DDX60: variants seen among roughly 807,000 people sequenced by gnomAD.
DDX60 encodes the protein probable ATP-dependent RNA helicase DDX60.
DDX60 carries 165 observed loss-of-function variants against 212.8 expected under a neutral mutation model. The ratio of observed to expected loss-of-function variants is 0.78; its 90% CI spans 0.68 to 0.88. The LOEUF (loss-of-function observed/expected upper bound fraction) is 0.88, where lower values mean the gene tolerates loss of function less well. DDX60 is among the 40% of genes least tolerant of loss of function. DDX60 has a pLI of 0.00. For synonymous variants in DDX60, 703 were observed against 685.3 expected, an observed-to-expected ratio of 1.03 and a Z score of -0.40; for missense variants, 1,905 against 2,003.9, an observed-to-expected ratio of 0.95 and a Z score of 0.94.
At chr4:168,229,501 G>A (rs2149493030) in intron 33 of DDX60, among the ~76,000 whole-genome samples, 1 of 152,080 alleles carries the variant, frequency 6.6e-6, no homozygotes, top group African/African-American at 2.4e-5. Context: ...TTCCTGGACA[G>A]AACCTGGGGC....
chr4:168,276,014 C>T lies in DDX60; in HGVS notation c.2145+1G>A. The T allele has an allele frequency of 6.2e-7, 1 of 1,607,420 alleles. No homozygotes were observed. Among genetic ancestry groups the T allele is most frequent in the Non-Finnish European group, 8.5e-7 (1 of 1,175,976 alleles). ...AAATTGAGCTATTCTGATAATATTA[C>T]CTGGGCTGGATGTAAAGAACTTGCC... On this transcript the variant is annotated splice_donor_variant, in intron 15 of 37. Transcript: ENST00000393743. LOFTEE classifies it high-confidence loss of function.
Position 168,314,183 on chromosome 4 carries a change from A to G in DDX60, c.-106-2818T>C, listed in dbSNP as rs536474190. 2.6e-5 allele frequency among the ~76,000 whole-genome samples: 4 copies of G among 152,154 alleles called. No homozygotes were observed. The East Asian group carries it at 7.7e-4, about 29-fold the overall frequency. ...CTCTTATATACCCTATACTAGAGCT[A>G]CCCTATTAACCTCTGCCCCAACACA... On this transcript the variant is annotated intron_variant, in intron 1 of 37. Transcript: ENST00000393743.
Position 168,221,873 on chromosome 4 carries a change from T to G in DDX60, c.4833A>C (p.Leu1611=), listed in dbSNP as rs375132905. The change falls in exon 36 of 38, where the codon CTA becomes CTC. Residue 1611 remains leucine, a synonymous_variant. Transcript: ENST00000393743. ...GAGAGCGATTGACACCGATTGTGCCTAGAGTAACCTGAAAAAATACGATTA... is the reference window on the plus strand; with the variant it reads ...GAGAGCGATTGACACCGATTGTGCCGAGAGTAACCTGAAAAAATACGATTA... The part of the protein sequence containing the change: ...LRLETPNHVT[L]GTIGVNRSQA... 4.3e-6 allele frequency: 7 copies of G among 1,610,116 alleles called. No individual in the cohort carries two copies. In the African/African-American group the frequency reaches 9.4e-5, roughly 22 times the overall value.
chr4:168,286,051 AAAAG>A lies in DDX60; in HGVS notation c.1340-557_1340-554del, dbSNP rs769814135. 8.5e-4 allele frequency among the ~76,000 whole-genome samples: 128 copies of A among 150,118 alleles called. 1 individual carries two copies. Among genetic ancestry groups the A allele is most frequent in the Admixed American group, 2.5e-3 (38 of 15,044 alleles). Reference sequence around the variant, plus strand: ...GGAGGAAGGAAGGAAAGAAAAAAGAAAAAGAAAGAAAGAAAGAAAAGCAAGCAAG... The same window carrying A: ...GGAGGAAGGAAGGAAAGAAAAAAGAAAAAGAAAGAAAGAAAAGCAAGCAAG... On this transcript the variant is annotated intron_variant, in intron 10 of 37. Coordinates refer to ENST00000393743, the MANE Select transcript of DDX60 (RefSeq NM_017631.6).
chr4:168,297,378 GAAAGAGAAAGAA>G (rs1736441150), intron 6 of DDX60, among the ~76,000 whole-genome samples: 3 of 53,870 alleles, frequency 5.6e-5, no homozygotes, highest in Non-Finnish European at 1.0e-4. Context: ...AAGAAAGAAA[GAAAGAGAAAGAA>G]AGAAAGAAAG....
chr4:168,306,685 A>G lies in DDX60; in HGVS notation c.300T>C (p.Leu100=), dbSNP rs768210909. The G allele has an allele frequency of 1.9e-6, 3 of 1,613,492 alleles. No homozygotes were observed. The East Asian group carries it at 6.7e-5, about 36-fold the overall frequency. The change falls in exon 5 of 38, where the codon CTT becomes CTC. Residue 100 remains leucine (L), a synonymous_variant. Coordinates refer to ENST00000393743, the MANE Select transcript of DDX60 (RefSeq NM_017631.6). The part of the protein sequence containing the change: ...AEYAYFNFPE[L]LSLRTALILH... The stretch of plus-strand genomic sequence containing the variant: ...GAATTAAAGCAGTTCTCAAAGAAAG[A>G]AGTTCAGGGAAGTTGAAATACGCAT...
At chr4:168,248,872 G>T (rs1734114092) in intron 28 of DDX60, among the ~76,000 whole-genome samples, 1 of 151,298 alleles carries the variant, frequency 6.6e-6, no homozygotes, top group African/African-American at 2.4e-5. Flanking sequence ...CGATTCTCCT[G>T]CCTCAACCTC....
At chr4:168,222,721 T>C (rs1310407120) in intron 35 of DDX60, among the ~76,000 whole-genome samples, 1 of 152,082 alleles carries the variant, frequency 6.6e-6, no homozygotes, top group Non-Finnish European at 1.5e-5. Context: ...GCTTGAAAAG[T>C]TTAATATTTG....
intron 3 of DDX60, among the ~76,000 whole-genome samples, chr4:168,310,282 T>C (rs1368134732): frequency 2.6e-5 from 4 of 152,128 alleles, no homozygotes; most frequent in African/African-American, 7.2e-5. Context: ...TTACACACAG[T>C]AATCTATGGA....
At chr4:168,312,505 A>C (rs556453859) in intron 1 of DDX60, among the ~76,000 whole-genome samples, 3 of 152,266 alleles carry the variant, frequency 2.0e-5, no homozygotes, top group Admixed American at 6.5e-5. Context: ...ACTAATACTT[A>C]ATATATCAAG....
At chr4:168,218,066 C>T (rs987847789) in intron 37 of DDX60, among the ~76,000 whole-genome samples, 2 of 152,196 alleles carry the variant, frequency 1.3e-5, no homozygotes, top group Admixed American at 1.3e-4. Flanking sequence ...GGGCTGAAAA[C>T]TGTCATGATC....
chr4:168,288,510 T>C (rs1735959257), intron 8 of DDX60, among the ~76,000 whole-genome samples, 195 bp from the exon 9 acceptor site: 1 of 152,122 alleles, frequency 6.6e-6, no homozygotes, highest in African/African-American at 2.4e-5. Context: ...TAAAAACTGA[T>C]CCAAAAATGC....
At position 168,296,268 on chromosome 4, in the gene DDX60, T is replaced by C. The variant is rs137941060; in HGVS notation, c.724-2323A>G. ...GTTGTACTTCATAAATATATAGTTA[T>C]GATGTGTCAATCAAAAATATTTTTT... On this transcript the variant is annotated intron_variant, in intron 6 of 37. Transcript: ENST00000393743. 1.6e-4 allele frequency among the ~76,000 whole-genome samples: 24 copies of C among 152,252 alleles called. 1 individual carries two copies. In the East Asian group the frequency reaches 4.1e-3, roughly 26 times the overall value.
intron 6 of DDX60, among the ~76,000 whole-genome samples, chr4:168,295,821 A>G (rs938849934): frequency 5.3e-5 from 8 of 152,228 alleles, no homozygotes; most frequent in Non-Finnish European, 5.9e-5. Context: ...AATACTATTG[A>G]GCATTTAAAA....
chr4:168,251,498 G>A (rs1309978548), intron 27 of DDX60, among the ~76,000 whole-genome samples: 10 of 152,192 alleles, frequency 6.6e-5, no homozygotes, highest in Admixed American at 6.5e-5. Context: ...TGTGGTCCGG[G>A]AATGCCTACT....
intron 30 of DDX60, among the ~76,000 whole-genome samples, chr4:168,245,955 A>C (rs955873720): frequency 2.0e-5 from 3 of 152,186 alleles, no homozygotes; most frequent in Admixed American, 6.5e-5. Context: ...GGAGTGGAAC[A>C]GGGGCACTTT....
chr4:168,306,610 T>C lies in DDX60; in HGVS notation c.375A>G (p.Arg125=), dbSNP rs775589621. 1.5e-5 allele frequency: 24 copies of C among 1,614,124 alleles called. No homozygotes were observed. The highest frequency in any genetic ancestry group is 2.0e-5 in the Non-Finnish European group (24 of 1,179,986). ...TTIDVRTTFS[R]CLSKEWGSFL... ...AACTTCCCCACTCTTTTGATAAGCA[T>C]CTCGAAAATGTTGTTCGAACATCAA... The change falls in exon 5 of 38, where the codon AGA becomes AGG. Residue 125 remains arginine (R), a synonymous_variant. Coordinates refer to ENST00000393743, the MANE Select transcript of DDX60 (RefSeq NM_017631.6).
At chr4:168,290,453 C>T (rs969744412) in intron 8 of DDX60, among the ~76,000 whole-genome samples, 5 of 151,920 alleles carry the variant, frequency 3.3e-5, no homozygotes, top group South Asian at 4.2e-4. Flanking sequence ...CGCAGCCTCC[C>T]GAGCAGCTGG....
At chr4:168,280,647 G>C in intron 13 of DDX60, 57 bp from the exon 14 acceptor site, 1 of 1,525,208 alleles carries the variant, frequency 6.6e-7, no homozygotes, top group Non-Finnish European at 8.8e-7. Context: ...CAAGATAACA[G>C]GTCATGAGTG....
Sources: allele counts gnomAD v4.1 joint callset (sites outside exome capture counted in the v4.1 genomes callset), GRCh38; gene constraint gnomAD v4.1.1; transcripts MANE v1.5; gene names NCBI Gene and HGNC (gene_info 2026-07-23, HGNC 2026-07-21).